FAS: variants seen among roughly 807,000 people sequenced by gnomAD.
The protein encoded by FAS is tumor necrosis factor receptor superfamily member 6.
In FAS, 5 loss-of-function variants were observed where a neutral mutation model predicts 33.2. The observed-to-expected ratio is 0.15, with a 90% CI of 0.08 to 0.32. The LOEUF is 0.32. Ranked by LOEUF, FAS falls within the 10% of genes least tolerant of loss-of-function variation. FAS has a pLI of 1.00. For missense variants in FAS, 339 were observed against 386.0 expected, an observed-to-expected ratio of 0.88 and a Z score of 1.02; for synonymous variants, 131 against 130.7, an observed-to-expected ratio of 1.00 and a Z score of -0.01.
chr10:89,007,933 T>C, intron 3 of FAS, 96 bp downstream of exon 3: 1 of 1,569,158 alleles, frequency 6.4e-7, no homozygotes, highest in Non-Finnish European at 8.7e-7. Flanking sequence ...ACTGTGGTGC[T>C]ATGTTGACAC....
intron 2 of FAS, among the ~76,000 whole-genome samples, chr10:88,980,569 T>A (rs1264231812): frequency 6.6e-6 from 1 of 152,244 alleles, no homozygotes; most frequent in Non-Finnish European, 1.5e-5. Flanking sequence ...TCCTGCCTAC[T>A]GCTATTCCCT....
chr10:88,975,710 C>T (rs1437956029), intron 2 of FAS, among the ~76,000 whole-genome samples: 1 of 152,024 alleles, frequency 6.6e-6, no homozygotes, highest in African/African-American at 2.4e-5. Context: ...CACATATTGG[C>T]CTCTTAATAA....
chr10:88,993,901 C>T (rs1238724161), intron 1 of FAS, among the ~76,000 whole-genome samples: 3 of 152,188 alleles, frequency 2.0e-5, no homozygotes, highest in East Asian at 3.9e-4. Flanking sequence ...ACATTAGCAA[C>T]CAGGATGGAA....
upstream of FAS, among the ~76,000 whole-genome samples, chr10:88,982,088 T>G (rs921687455): frequency 6.6e-6 from 1 of 152,250 alleles, no homozygotes; most frequent in Non-Finnish European, 1.5e-5. Context: ...AGTATGTTGT[T>G]ATATGCGAGA....
intron 1 of FAS, among the ~76,000 whole-genome samples, chr10:88,996,414 A>G (rs887998491): frequency 6.6e-6 from 1 of 152,108 alleles, no homozygotes; most frequent in African/African-American, 2.4e-5. Flanking sequence ...AGTAGAGAGT[A>G]GAATAGTGGT....
At chr10:88,970,539 A>G (rs1266529993) in intron 1 of FAS, among the ~76,000 whole-genome samples, 1 of 152,204 alleles carries the variant, frequency 6.6e-6, no homozygotes, top group Non-Finnish European at 1.5e-5. Context: ...GGAGGTAGGA[A>G]GAAGGACATT....
At chr10:88,988,530 T>C (rs1846988832), upstream of FAS, among the ~76,000 whole-genome samples, 1 of 151,524 alleles carries the variant, frequency 6.6e-6, no homozygotes, top group Admixed American at 6.6e-5. Flanking sequence ...ATCTTTTGAG[T>C]AGAAGCTTTA....
chr10:88,998,522 C>T (rs1381994734), intron 1 of FAS, among the ~76,000 whole-genome samples: 1 of 152,128 alleles, frequency 6.6e-6, no homozygotes, highest in Non-Finnish European at 1.5e-5. Context: ...ACCATTTTAA[C>T]TTAATCACCT....
upstream of FAS, chr10:88,989,550 A>G (rs1180181122): frequency 1.8e-6 from 1 of 543,006 alleles, no homozygotes; most frequent in South Asian, 1.4e-5. Context: ...TGGAACAGAG[A>G]CAAGCCTATC....
rs965201566 is a variant in FAS, at chr10:89,016,046, T to C, written c.*1596T>C. On this transcript the variant is annotated 3_prime_UTR_variant, in exon 9 of 9. Coordinates refer to ENST00000652046, the MANE Select transcript of FAS (RefSeq NM_000043.6). The stretch of plus-strand genomic sequence containing the variant: ...TGGAATGTGGATAAGAAAGTATACA[T>C]TTCAAGGGGTAGGTTTTATTATTAA... The C allele has an allele frequency of 4.3e-6, 1 of 234,834 alleles. No individual in the cohort carries two copies. The highest frequency in any genetic ancestry group is 8.4e-6 in the Non-Finnish European group (1 of 118,662). The allele number at this position is 234,834 out of a possible 1,614,324, so 14.5% of individuals were successfully genotyped here.
intron 1 of FAS, chr10:89,002,656 C>T (rs1413501454): frequency 1.3e-5 from 4 of 302,430 alleles, no homozygotes; most frequent in Non-Finnish European, 6.5e-6. Flanking sequence ...TGCATTATTC[C>T]ACGTATTTTC....
chr10:88,964,372 A>G (rs1016780333), intron 1 of FAS, among the ~76,000 whole-genome samples: 2 of 152,226 alleles, frequency 1.3e-5, no homozygotes, highest in African/African-American at 4.8e-5. Flanking sequence ...AACAAAGAAC[A>G]ACACATTGGT....
At chr10:89,000,379 G>A (rs147625460) in intron 1 of FAS, among the ~76,000 whole-genome samples, 43 of 152,158 alleles carry the variant, frequency 2.8e-4, no homozygotes, top group Non-Finnish European at 4.3e-4. Context: ...AACACAGTTC[G>A]TTATGATAAA....
chr10:88,971,667 GT>G (rs1197967357), intron 1 of FAS, among the ~76,000 whole-genome samples: 1 of 151,872 alleles, frequency 6.6e-6, no homozygotes, highest in Non-Finnish European at 1.5e-5. Flanking sequence ...CTATCTTTTT[GT>G]AACTAATAGG....
chr10:89,014,857 A>T lies in FAS; in HGVS notation c.*407A>T. 1.9e-6 allele frequency: 1 copy of T among 538,660 alleles called. No homozygotes were observed. The highest frequency in any genetic ancestry group is 3.9e-5 in the East Asian group (1 of 25,774). The allele number at this position is 538,660 out of a possible 1,614,324, so 33.4% of individuals were successfully genotyped here. ...AGCTATGACCTTTTGCTGAAATATCAGTTACTGAACAGGCAGGCCACTTTG... is the reference window on the plus strand; with the variant it reads ...AGCTATGACCTTTTGCTGAAATATCTGTTACTGAACAGGCAGGCCACTTTG... On this transcript the variant is annotated 3_prime_UTR_variant, in exon 9 of 9. Coordinates refer to ENST00000652046, the MANE Select transcript of FAS (RefSeq NM_000043.6).
At position 89,014,356 on chromosome 10, in the gene FAS, C is replaced by T. The variant is rs3218611; in HGVS notation, c.914C>T (p.Thr305Ile). Residue 305 changes from threonine (T) to isoleucine (I), a missense_variant, in exon 9 of 9, where the codon ACT (threonine) becomes ATT (isoleucine). Physicochemically the swap from Thr to Ile is moderately conservative, Grantham distance 89. Transcript: ENST00000652046. ...GATCTCAAAAAAGCCAATCTTTGTA[C>T]TCTTGCAGAGAAAATTCAGACTATC... ...IKDLKKANLC[T>I]LAEKIQTIIL... 40 of 1,613,816 alleles carry T rather than the reference C, an allele frequency of 2.5e-5. No homozygotes were observed. In the African/African-American group the frequency reaches 4.5e-4, roughly 18 times the overall value.
rs764476788 is a variant in FAS at position 89,008,969 on chromosome 10, G to T, written c.415G>T (p.Val139Leu). 1.2e-6 allele frequency: 2 copies of T among 1,613,898 alleles called. No homozygotes were observed. Among genetic ancestry groups the T allele is most frequent in the East Asian group, 4.5e-5 (2 of 44,882 alleles). The change falls in exon 4 of 9, where the codon GTA becomes TTA. Residue 139 changes from valine to leucine, a missense_variant. Coordinates refer to ENST00000652046, the MANE Select transcript of FAS (RefSeq NM_000043.6). Reference protein sequence around the residue: ...CKPNFFCNSTVCEHCDPCTKC... With the variant: ...CKPNFFCNSTLCEHCDPCTKC... Reference sequence around the variant, plus strand: ...ACCAAACTTTTTTTGTAACTCTACTGTATGTGAACACTGTGACCCTTGCAC... The same window carrying T: ...ACCAAACTTTTTTTGTAACTCTACTTTATGTGAACACTGTGACCCTTGCAC...
intron 1 of FAS, chr10:88,992,455 C>T (rs142029501): frequency 6.6e-6 from 1 of 152,272 alleles, no homozygotes; most frequent in African/African-American, 2.4e-5. Flanking sequence ...TGGAGCTATG[C>T]TTGTTGAACT....
At chr10:89,000,468 T>C (rs7920305) in intron 1 of FAS, among the ~76,000 whole-genome samples, 24,302 of 152,156 alleles carry the variant, frequency 0.16, 2,328 homozygotes, top group East Asian at 0.44. Flanking sequence ...ATATGCATTA[T>C]CAAGAAAAGA....
Sources: allele counts gnomAD v4.1 joint callset (sites outside exome capture counted in the v4.1 genomes callset), GRCh38; gene constraint gnomAD v4.1.1; transcripts MANE v1.5; gene names NCBI Gene and HGNC (gene_info 2026-07-23, HGNC 2026-07-21).